The following TRAM2 variants were observed in gnomAD, a reference collection of about 807,000 sequenced individuals.
The protein encoded by TRAM2 is translocation associated membrane protein 2, also known as translocating chain-associated membrane protein 2.
A neutral mutation model predicts 51.0 loss-of-function variants in TRAM2; 12 were observed. That is an observed-to-expected ratio of 0.24 (90% CI 0.15 to 0.38). The LOEUF (loss-of-function observed/expected upper bound fraction) is 0.38. TRAM2 is among the 10% of genes least tolerant of loss of function. The pLI, the probability that TRAM2 is intolerant of heterozygous loss-of-function variation, is 1.00. For synonymous variants in TRAM2, 175 were observed against 179.4 expected (o/e 0.98, Z 0.20); for missense variants, 361 against 462.0 (o/e 0.78, Z 2.00).
Position 52,504,607 on chromosome 6 carries a change from G to T in TRAM2, c.1023C>A (p.Leu341=). The T allele has an allele frequency of 6.2e-7, 1 of 1,614,170 alleles. No individual in the cohort carries two copies. Among genetic ancestry groups the T allele is most frequent in the Non-Finnish European group, 8.5e-7 (1 of 1,180,052 alleles). The change falls in exon 10 of 11, where the codon CTC becomes CTA. Residue 341 remains leucine (L), a synonymous_variant. Coordinates refer to ENST00000182527, the MANE Select transcript of TRAM2 (RefSeq NM_012288.4). ...VPATPRLPAR[L]IKRESGYHEN... ...GGCACTCACCAGATTCCCTCTTGAT[G>T]AGCCTGGCTGGTAGTCTGGGTGTGG...
rs1321395430 is a variant in TRAM2, at chr6:52,577,008, G to A, written c.-93C>T. On this transcript the variant is annotated 5_prime_UTR_variant, in exon 1 of 11. Coordinates refer to ENST00000182527, the MANE Select transcript of TRAM2 (RefSeq NM_012288.4). ...CAGCACCGGCCCGGTCCGCCCGCCG[G>A]CCCGCCGCCCGCTCTCCCACAGCCG... The A allele has an allele frequency of 2.0e-5, 26 of 1,297,118 alleles. No individual in the cohort carries two copies. The highest frequency in any genetic ancestry group is 2.3e-5 in the Non-Finnish European group (24 of 1,023,114). 80.4% of individuals were successfully genotyped at this position (1,297,118 alleles called of 1,614,324 possible).
At chr6:52,507,444 T>C (rs747386460) in intron 7 of TRAM2, 109 bp downstream of exon 7, 4 of 1,106,854 alleles carry the variant, frequency 3.6e-6, no homozygotes, top group Non-Finnish European at 5.4e-6. Context: ...AGCATAGTGC[T>C]AGGCACACAG....
At chr6:52,514,391 G>A (rs780253561) in intron 4 of TRAM2, among the ~76,000 whole-genome samples, 13 of 152,150 alleles carry the variant, frequency 8.5e-5, no homozygotes, top group Non-Finnish European at 1.6e-4. Flanking sequence ...AAGAGTTGGC[G>A]GGGGTCGGGG....
chr6:52,503,062 C>T lies in TRAM2; in HGVS notation c.*135G>A. ...AGAAGGAAAGCGAAACGCCCCCTCC[C>T]CCCATTGCAAGACAGGTTTCGGCTG... On this transcript the variant is annotated 3_prime_UTR_variant, in exon 11 of 11. Coordinates refer to ENST00000182527, the MANE Select transcript of TRAM2 (RefSeq NM_012288.4). 1 of 744,284 alleles carries T rather than the reference C, an allele frequency of 1.3e-6. No individual in the cohort carries two copies. The highest frequency in any genetic ancestry group is 2.4e-6 in the Non-Finnish European group (1 of 425,018). 46.1% of individuals were successfully genotyped at this position (744,284 alleles called of 1,614,324 possible). A position where few individuals can be genotyped will look rare whatever the true frequency, so the allele number is the denominator to read the frequency against.
intron 1 of TRAM2, among the ~76,000 whole-genome samples, chr6:52,570,802 C>A (rs377250113): frequency 5.8e-5 from 7 of 120,930 alleles, no homozygotes; most frequent in Non-Finnish European, 8.9e-5. Flanking sequence ...ACCACCCCCC[C>A]CCCCACACGC....
chr6:52,573,033 T>A (rs1475044920), intron 1 of TRAM2, among the ~76,000 whole-genome samples: 1 of 152,164 alleles, frequency 6.6e-6, no homozygotes, highest in African/African-American at 2.4e-5. Flanking sequence ...AGGCTCAGAA[T>A]TGTGGAAACA....
intron 1 of TRAM2, among the ~76,000 whole-genome samples, chr6:52,538,907 C>A (rs1041380614): frequency 2.0e-5 from 3 of 152,184 alleles, no homozygotes; most frequent in African/African-American, 7.2e-5. Flanking sequence ...GGGAGAAATA[C>A]AGGGTTAGGT....
At chr6:52,503,381 C>G in intron 10 of TRAM2, 111 bp from the exon 11 acceptor site, 1 of 936,860 alleles carries the variant, frequency 1.1e-6, no homozygotes, top group South Asian at 1.3e-5. Context: ...AGCTGCTATA[C>G]ATGGATGCAC....
At chr6:52,549,271 C>CT (rs1767266160) in intron 1 of TRAM2, among the ~76,000 whole-genome samples, 1 of 146,474 alleles carries the variant, frequency 6.8e-6, no homozygotes, top group South Asian at 2.3e-4. Context: ...TCCTTCCCTC[C>CT]CTCCCTCCCT....
intron 1 of TRAM2, among the ~76,000 whole-genome samples, chr6:52,547,490 A>G (rs537421369): frequency 6.6e-6 from 1 of 152,338 alleles, no homozygotes; most frequent in Admixed American, 6.5e-5. Context: ...GAATTAATGT[A>G]CTTTCAGAGG....
chr6:52,574,775 A>G (rs909331724), intron 1 of TRAM2, among the ~76,000 whole-genome samples: 3 of 152,200 alleles, frequency 2.0e-5, no homozygotes, highest in African/African-American at 7.2e-5. Context: ...TTTAATGCAC[A>G]GGACTTTCCA....
At chr6:52,572,924 A>G (rs1767704154) in intron 1 of TRAM2, among the ~76,000 whole-genome samples, 1 of 152,172 alleles carries the variant, frequency 6.6e-6, no homozygotes. Flanking sequence ...TGCCTCTAAA[A>G]CAATCAAAAA....
intron 9 of TRAM2, among the ~76,000 whole-genome samples, chr6:52,505,015 G>T (rs945795614): frequency 6.6e-6 from 1 of 152,240 alleles, no homozygotes; most frequent in Non-Finnish European, 1.5e-5. Flanking sequence ...CTACAATCAC[G>T]CTACTCCTAT....
intron 1 of TRAM2, among the ~76,000 whole-genome samples, chr6:52,568,436 T>G (rs1013670604): frequency 6.6e-6 from 1 of 152,176 alleles, no homozygotes; most frequent in African/African-American, 2.4e-5. Context: ...TCCAAAACCA[T>G]GGGTCTGAAA....
intron 2 of TRAM2, among the ~76,000 whole-genome samples, chr6:52,518,996 G>A (rs1022422092): frequency 2.0e-5 from 3 of 152,170 alleles, no homozygotes; most frequent in African/African-American, 4.8e-5. Flanking sequence ...TGCCATTCTT[G>A]ATACCAAATA....
At chr6:52,557,488 A>C (rs1260365832) in intron 1 of TRAM2, among the ~76,000 whole-genome samples, 1 of 152,238 alleles carries the variant, frequency 6.6e-6, no homozygotes, top group Non-Finnish European at 1.5e-5. Flanking sequence ...AAACGGCCAC[A>C]GTTAAGTAAC....
chr6:52,538,907 C>T (rs1041380614), intron 1 of TRAM2, among the ~76,000 whole-genome samples: 3 of 152,184 alleles, frequency 2.0e-5, no homozygotes, highest in Admixed American at 1.3e-4. Context: ...GGGAGAAATA[C>T]AGGGTTAGGT....
rs200800334 is a variant in TRAM2 at position 52,503,188 on chromosome 6, A to C, written c.*9T>G. 4,918 of 1,612,472 alleles carry C rather than the reference A, an allele frequency of 3.0e-3. 20 individuals carry two copies. Among genetic ancestry groups the C allele is most frequent in the Non-Finnish European group, 2.8e-3 (3,278 of 1,178,890 alleles). On this transcript the variant is annotated 3_prime_UTR_variant, in exon 11 of 11. Coordinates refer to ENST00000182527, the MANE Select transcript of TRAM2 (RefSeq NM_012288.4). Reference sequence around the variant, plus strand: ...CACCAAGAGGATTCCTGTTCTTAGCACTTTGGCCTTAGGGAGACTTGAGTT... The same window carrying C: ...CACCAAGAGGATTCCTGTTCTTAGCCCTTTGGCCTTAGGGAGACTTGAGTT...
In TRAM2 at chr6:52,505,624, C is replaced by G; in HGVS notation, c.850G>C (p.Gly284Arg). The part of the protein sequence containing the change: ...MENQAFDPEK[G>R]NFNTLFCRLC... ...CTGCAAAACAAAGTGTTGAAGTTCCCTTTCTCGGGATCAAATGCCTGGTTT... is the reference window on the plus strand; with the variant it reads ...CTGCAAAACAAAGTGTTGAAGTTCCGTTTCTCGGGATCAAATGCCTGGTTT... The change falls in exon 9 of 11, where the codon GGG becomes CGG. Residue 284 changes from glycine (G) to arginine (R), a missense_variant. Physicochemically the swap from Gly to Arg is moderately radical, Grantham distance 125. Coordinates refer to ENST00000182527, the MANE Select transcript of TRAM2 (RefSeq NM_012288.4). 1 of 1,613,136 alleles carries G rather than the reference C, an allele frequency of 6.2e-7. No homozygotes were observed. The highest frequency in any genetic ancestry group is 8.5e-7 in the Non-Finnish European group (1 of 1,179,290).
Sources: allele counts gnomAD v4.1 joint callset (sites outside exome capture counted in the v4.1 genomes callset), GRCh38; gene constraint gnomAD v4.1.1; transcripts MANE v1.5; gene names NCBI Gene and HGNC (gene_info 2026-07-23, HGNC 2026-07-21).